SOCS2: variants seen among roughly 807,000 people sequenced by gnomAD.
The protein encoded by SOCS2 is suppressor of cytokine signaling 2, also known as CIS-2.
A neutral mutation model predicts 18.6 loss-of-function variants in SOCS2; 10 were observed. The observed-to-expected ratio is 0.54, with a 90% CI of 0.33 to 0.91. The LOEUF is 0.91. Among genes scored for constraint, SOCS2 ranks in the 40% least tolerant of loss-of-function variants. The pLI is 0.02. For missense variants in SOCS2, 231 were observed against 247.2 expected (o/e 0.93, Z 0.44); for synonymous variants, 104 against 104.0 (o/e 1.00, Z 0.00).
At chr12:93,621,176 TA>T in the SOCS2 span, among the ~76,000 whole-genome samples, 1 of 152,234 alleles carries the variant, frequency 6.6e-6, no homozygotes, top group East Asian at 1.9e-4. Context: ...ATCACCTATC[TA>T]GACATCACAG....
chr12:93,570,828 C>G (rs1021481212), upstream of SOCS2, among the ~76,000 whole-genome samples: 1 of 152,222 alleles, frequency 6.6e-6, no homozygotes, highest in Non-Finnish European at 1.5e-5. Flanking sequence ...CCGGTCTTCC[C>G]TGAAGCCTGT....
chr12:93,574,215 T>C (rs1848101284), intron 1 of SOCS2: 1 of 149,352 alleles, frequency 6.7e-6, no homozygotes, highest in South Asian at 2.1e-4. Flanking sequence ...TTTTTTTTTT[T>C]TTTTTTTTTT....
At chr12:93,614,540 C>CCTTTCTTTCT in the SOCS2 span, among the ~76,000 whole-genome samples, 1 of 37,132 alleles carries the variant, frequency 2.7e-5, no homozygotes, top group Non-Finnish European at 4.4e-5. Flanking sequence ...TCCTTCCTTC[C>CCTTTCTTTCT]TTCTTTCTTT....
the SOCS2 span, among the ~76,000 whole-genome samples, chr12:93,620,442 T>C: frequency 6.6e-6 from 1 of 151,578 alleles, no homozygotes; most frequent in Admixed American, 6.6e-5. Context: ...TGAGATGGAG[T>C]CTTGCTGTGT....
the SOCS2 span, among the ~76,000 whole-genome samples, chr12:93,624,630 C>T: frequency 6.6e-6 from 1 of 152,048 alleles, no homozygotes; most frequent in Non-Finnish European, 1.5e-5. Context: ...GTTATAGCAG[C>T]ACAAACAGAC....
Position 93,575,431 on chromosome 12 carries a change from A to G in SOCS2, c.*252A>G, listed in dbSNP as rs1954435121. The G allele has an allele frequency of 4.3e-6, 1 of 232,064 alleles. No individual in the cohort carries two copies. Among genetic ancestry groups the G allele is most frequent in the Non-Finnish European group, 8.4e-6 (1 of 118,870 alleles). 14.4% of individuals were successfully genotyped at this position (232,064 alleles called of 1,614,324 possible). A position where few individuals can be genotyped will look rare whatever the true frequency, so the allele number is the denominator to read the frequency against. On this transcript the variant is annotated 3_prime_UTR_variant, in exon 2 of 2. Transcript: ENST00000551556. ...CTGTTGATCCTTTTAGATTAAAAATAAAATGTCGCATGTAAAGGCTGAAGT... is the reference window on the plus strand; with the variant it reads ...CTGTTGATCCTTTTAGATTAAAAATGAAATGTCGCATGTAAAGGCTGAAGT...
At chr12:93,614,547 CTTTCTTTCTTTCTTTCT>C in the SOCS2 span, among the ~76,000 whole-genome samples, 5 of 25,574 alleles carry the variant, frequency 2.0e-4, no homozygotes, top group East Asian at 1.1e-3. Context: ...TTCCTTCTTT[CTTTCTTTCTTTCTTTCT>C]TTCTTTCTTT....
At chr12:93,595,561 C>T in the SOCS2 span, among the ~76,000 whole-genome samples, 1 of 152,216 alleles carries the variant, frequency 6.6e-6, no homozygotes, top group African/African-American at 2.4e-5. Flanking sequence ...AGAGCCTGCT[C>T]CTTCTCCTCT....
chr12:93,590,142 C>G, the SOCS2 span, among the ~76,000 whole-genome samples: 1 of 151,854 alleles, frequency 6.6e-6, no homozygotes, highest in Non-Finnish European at 1.5e-5. Flanking sequence ...ATCTCAGCTA[C>G]TCAGGAGGCT....
Position 93,574,993 on chromosome 12 carries a change from G to A in SOCS2, c.411G>A (p.Arg137=). 1 of 1,614,092 alleles carries A rather than the reference G, an allele frequency of 6.2e-7. No homozygotes were observed. The highest frequency in any genetic ancestry group is 8.5e-7 in the Non-Finnish European group (1 of 1,180,008). Residue 137 remains arginine (R), a synonymous_variant, in exon 2 of 2, where the codon CGG becomes CGA. Coordinates refer to ENST00000551556, the MANE Select transcript of SOCS2 (RefSeq NM_001270471.2). ...DYYVQMCKDK[R]TGPEAPRNGT... ...ATGTTCAGATGTGCAAGGATAAGCG[G>A]ACAGGTCCAGAAGCCCCCCGGAACG...
chr12:93,598,298 GGGAGGAAGTA>G, the SOCS2 span, among the ~76,000 whole-genome samples: 1 of 152,120 alleles, frequency 6.6e-6, no homozygotes, highest in African/African-American at 2.4e-5. Context: ...GTAGACTCCA[GGGAGGAAGTA>G]GGAGATGAGC....
At chr12:93,596,832 AAAC>A in the SOCS2 span, among the ~76,000 whole-genome samples, 496 of 152,200 alleles carry the variant, frequency 3.3e-3, 4 homozygotes, top group Non-Finnish European at 4.3e-3. Flanking sequence ...TGTCTCAAAC[AAAC>A]AACAACAACA....
chr12:93,573,050 C>A lies in SOCS2; in HGVS notation c.139+14C>A. 1 of 1,557,356 alleles carries A rather than the reference C, an allele frequency of 6.4e-7. No individual in the cohort carries two copies. The highest frequency in any genetic ancestry group is 8.6e-7 in the Non-Finnish European group (1 of 1,157,116). On this transcript the variant is annotated intron_variant, in intron 1 of 1. Coordinates refer to ENST00000551556, the MANE Select transcript of SOCS2 (RefSeq NM_001270471.2). ...TCGGTCAGACAGGTAGGGAGCCGATCGGCCGCGACGCGTGCGGGAGGGAGC... is the reference window on the plus strand; with the variant it reads ...TCGGTCAGACAGGTAGGGAGCCGATAGGCCGCGACGCGTGCGGGAGGGAGC...
chr12:93,600,715 GT>G, the SOCS2 span, among the ~76,000 whole-genome samples: 145 of 136,324 alleles, frequency 1.1e-3, 2 homozygotes, highest in Middle Eastern at 3.7e-3. Context: ...GTTACGTAAA[GT>G]TTTTTTTTTT....
At chr12:93,606,377 C>G in the SOCS2 span, among the ~76,000 whole-genome samples, 124 of 152,250 alleles carry the variant, frequency 8.1e-4, 1 homozygote, top group East Asian at 7.5e-3. Context: ...CAAGTTACCC[C>G]ATTCAACACA....
chr12:93,602,525 G>A, the SOCS2 span, among the ~76,000 whole-genome samples: 4 of 152,168 alleles, frequency 2.6e-5, no homozygotes, highest in Non-Finnish European at 5.9e-5. Flanking sequence ...CTGTTCACAT[G>A]TACTCCAGGA....
At chr12:93,573,459 C>T in intron 1 of SOCS2, 1 of 350,194 alleles carries the variant, frequency 2.9e-6, no homozygotes, top group Non-Finnish European at 5.1e-6. Flanking sequence ...CGGCTGCAGC[C>T]CAGGATCTTG....
At chr12:93,580,379 T>G (rs952359448), downstream of SOCS2, among the ~76,000 whole-genome samples, 4 of 152,078 alleles carry the variant, frequency 2.6e-5, no homozygotes, top group Non-Finnish European at 5.9e-5. Flanking sequence ...CCCAGCACTT[T>G]GGGAGGCCAA....
At chr12:93,596,940 G>C in the SOCS2 span, among the ~76,000 whole-genome samples, 1 of 152,126 alleles carries the variant, frequency 6.6e-6, no homozygotes, top group East Asian at 1.9e-4. Context: ...TGTCTCATCT[G>C]TAAAATAGAA....
Sources: gnomAD v4.1 joint callset for allele counts (sites outside exome capture counted in the v4.1 genomes callset) on GRCh38, gnomAD v4.1.1 for gene constraint, MANE v1.5 for transcripts, NCBI Gene and HGNC (gene_info 2026-07-23, HGNC 2026-07-21) for gene names.